KIF6: variants seen among roughly 807,000 people sequenced by gnomAD.
KIF6 encodes the protein kinesin-like protein KIF6.
KIF6 carries 106 observed loss-of-function variants against 112.7 expected under a neutral mutation model. The observed-to-expected ratio is 0.94, with a 90% confidence interval of 0.80 to 1.11. The LOEUF is 1.11. Ranked by LOEUF, KIF6 falls within the 50% of genes least tolerant of loss-of-function variation. KIF6 has a pLI of 0.00. For missense variants in KIF6, 929 were observed against 964.0 expected (o/e 0.96, Z 0.48); for synonymous variants, 339 against 339.9 (o/e 1.00, Z 0.03).
intron 13 of KIF6, among the ~76,000 whole-genome samples, chr6:39,500,591 C>T (rs1406545438): frequency 6.6e-6 from 1 of 152,172 alleles, no homozygotes; most frequent in African/African-American, 2.4e-5. Flanking sequence ...GTTGCTTAAC[C>T]TTTCTCCTCC....
chr6:39,687,387 C>A (rs1561930257), intron 3 of KIF6, among the ~76,000 whole-genome samples: 1 of 152,126 alleles, frequency 6.6e-6, no homozygotes, highest in Non-Finnish European at 1.5e-5. Context: ...AAATTTGAGC[C>A]TTTGAGAGTT....
rs184107624 is a variant in KIF6 at position 39,669,285 on chromosome 6, C to G, written c.252-29528G>C. 5.3e-3 allele frequency among the ~76,000 whole-genome samples: 800 copies of G among 152,308 alleles called. 6 individuals carry two copies. Among genetic ancestry groups the G allele is most frequent in the African/African-American group, 0.018 (763 of 41,556 alleles). ...CATGCTACCTCCCCCAACACCACCA[C>G]CACTCTGATTCTAAGAGGAAATGGC... On this transcript the variant is annotated intron_variant, in intron 3 of 22. Coordinates refer to ENST00000287152, the MANE Select transcript of KIF6 (RefSeq NM_145027.6).
intron 13 of KIF6, among the ~76,000 whole-genome samples, chr6:39,434,421 A>T (rs1030933867): frequency 6.6e-6 from 1 of 151,632 alleles, no homozygotes; most frequent in South Asian, 2.1e-4. Context: ...AAAAAAAAAA[A>T]TTAGCTGGGC....
At chr6:39,498,238 A>C (rs1775898620) in intron 13 of KIF6, among the ~76,000 whole-genome samples, 1 of 152,198 alleles carries the variant, frequency 6.6e-6, no homozygotes, top group Admixed American at 6.5e-5. Context: ...TACAGAACTC[A>C]TGATGAAAAC....
intron 11 of KIF6, 122 bp from the exon 12 acceptor site, chr6:39,544,815 G>A: frequency 2.0e-6 from 1 of 505,728 alleles, no homozygotes; most frequent in South Asian, 4.8e-5. Context: ...TCTGATGCAG[G>A]TGCGATGTCT....
At chr6:39,530,670 T>C (rs530839372) in intron 13 of KIF6, among the ~76,000 whole-genome samples, 1 of 152,190 alleles carries the variant, frequency 6.6e-6, no homozygotes, top group Non-Finnish European at 1.5e-5. Context: ...CAGCATAAAT[T>C]GGTAAAGTGG....
intron 13 of KIF6, among the ~76,000 whole-genome samples, chr6:39,531,032 C>T (rs927189948): frequency 1.3e-5 from 2 of 151,868 alleles, no homozygotes; most frequent in Non-Finnish European, 2.9e-5. Context: ...CAAAAAAAAA[C>T]ACATCAATCC....
At chr6:39,699,455 A>T (rs2113831312) in intron 3 of KIF6, among the ~76,000 whole-genome samples, 1 of 152,334 alleles carries the variant, frequency 6.6e-6, no homozygotes, top group East Asian at 1.9e-4. Context: ...GAATGTTAAA[A>T]GCTGAAGCAG....
Position 39,342,623 on chromosome 6 carries a change from T to TTTTTTTTTTA in KIF6, c.2428+1085_2428+1086insTAAAAAAAAA, listed in dbSNP as rs1562108023. Reference sequence around the variant, plus strand: ...TTTATTTTTTTTTATTTTTTTTTATTTTTTTTTATTTTTAGACAAGGAAAC... The same window carrying TTTTTTTTTTA: ...TTTATTTTTTTTTATTTTTTTTTATTTTTTTTTTTATTTTTTTATTTTTAGACAAGGAAAC... On this transcript the variant is annotated intron_variant, in intron 22 of 22. Coordinates refer to ENST00000287152, the MANE Select transcript of KIF6 (RefSeq NM_145027.6). This position sits in a 1 kb window ranked among gnomAD's most constrained non-coding sequence, Gnocchi z 4.7. Among the ~76,000 whole-genome samples, 96 of 134,336 alleles carry TTTTTTTTTTA rather than the reference T, an allele frequency of 7.1e-4. 4 individuals are homozygous for TTTTTTTTTTA. Among genetic ancestry groups the TTTTTTTTTTA allele is most frequent in the African/African-American group, 2.6e-3 (92 of 34,866 alleles). The allele number at this position is 134,336 out of a possible 152,430, so 88.1% of individuals were successfully genotyped here. A position where few individuals can be genotyped will look rare whatever the true frequency, so the allele number is the denominator to read the frequency against.
chr6:39,419,721 C>T (rs563563896), intron 15 of KIF6, among the ~76,000 whole-genome samples: 2 of 152,236 alleles, frequency 1.3e-5, no homozygotes, highest in South Asian at 4.1e-4. Flanking sequence ...CTCAGGTCTG[C>T]CTGAGGATGA....
intron 13 of KIF6, among the ~76,000 whole-genome samples, chr6:39,440,936 C>T (rs1481122025): frequency 6.6e-6 from 1 of 152,140 alleles, no homozygotes; most frequent in Non-Finnish European, 1.5e-5. Flanking sequence ...CAAGGATGCA[C>T]TGACACTGGA....
chr6:39,675,344 G>A (rs959014196), intron 3 of KIF6, among the ~76,000 whole-genome samples: 1 of 152,146 alleles, frequency 6.6e-6, no homozygotes, highest in Non-Finnish European at 1.5e-5. Context: ...GGTGGGAAAA[G>A]TCTTCCTTCA....
intron 13 of KIF6, among the ~76,000 whole-genome samples, chr6:39,481,581 T>C (rs1176123842): frequency 2.0e-5 from 3 of 152,174 alleles, no homozygotes; most frequent in Non-Finnish European, 4.4e-5. Flanking sequence ...CCCAAATACC[T>C]TGTTAGACAG....
At chr6:39,584,417 TAAAAAAAAAAAAAAAAAAAAAAAAAAAAA>T (rs61215070) in intron 9 of KIF6, among the ~76,000 whole-genome samples, 1 of 46,064 alleles carries the variant, frequency 2.2e-5, no homozygotes, top group Admixed American at 3.1e-4. Flanking sequence ...ACTCTGTCTC[TAAAAAAAAAAAAAAAAAAAAAAAAAAAAA>T]AAAAAAAAAA....
At chr6:39,619,246 T>C (rs2150731923) in intron 5 of KIF6, among the ~76,000 whole-genome samples, 1 of 152,342 alleles carries the variant, frequency 6.6e-6, no homozygotes, top group Middle Eastern at 3.4e-3. Flanking sequence ...GAATTTCTTT[T>C]ATTTCAAACT....
intron 15 of KIF6, among the ~76,000 whole-genome samples, chr6:39,413,187 C>G (rs1283197327): frequency 1.3e-5 from 2 of 152,116 alleles, no homozygotes; most frequent in Admixed American, 1.3e-4. Context: ...AGCACCTATA[C>G]TTAAATCCAA....
chr6:39,346,116 C>CTCTCTCTCTCTCTCTCT, intron 20 of KIF6, among the ~76,000 whole-genome samples: 1 of 17,848 alleles, frequency 5.6e-5, no homozygotes. Context: ...CCTCCCTCTC[C>CTCTCTCTCTCTCTCTCT]CTCTCCCTCC....
intron 4 of KIF6, among the ~76,000 whole-genome samples, chr6:39,637,105 G>A (rs1190881334): frequency 2.6e-5 from 4 of 151,944 alleles, no homozygotes; most frequent in Non-Finnish European, 4.4e-5. Context: ...TTCAGTATAT[G>A]AATATAAAAG....
intron 3 of KIF6, among the ~76,000 whole-genome samples, chr6:39,675,985 C>T (rs565530165): frequency 1.3e-5 from 2 of 149,500 alleles, no homozygotes; most frequent in Non-Finnish European, 3.0e-5. Flanking sequence ...AGGGATAACA[C>T]TGAATGAAAA....
Sources: allele counts gnomAD v4.1 joint callset (sites outside exome capture counted in the v4.1 genomes callset), GRCh38; gene constraint gnomAD v4.1.1; non-coding constraint Gnocchi (gnomAD v3.1); transcripts MANE v1.5; gene names NCBI Gene and HGNC (gene_info 2026-07-23, HGNC 2026-07-21).